The following AZIN1 variants were observed in gnomAD, a reference collection of about 807,000 sequenced individuals.
The protein encoded by AZIN1 is antizyme inhibitor 1.
A neutral mutation model predicts 47.4 loss-of-function variants in AZIN1; 12 were observed. The observed-to-expected ratio is 0.25, with a 90% CI of 0.16 to 0.41. The LOEUF is 0.41. Ranked by LOEUF, AZIN1 falls within the 10% of genes least tolerant of loss-of-function variation. AZIN1 has a pLI of 1.00. For missense variants in AZIN1, 410 were observed against 532.4 expected (o/e 0.77, Z 2.26); for synonymous variants, 155 against 176.3 (o/e 0.88, Z 0.96).
intron 2 of AZIN1, among the ~76,000 whole-genome samples, chr8:102,849,620 A>G (rs1812801764): frequency 6.6e-6 from 1 of 152,212 alleles, no homozygotes; most frequent in Non-Finnish European, 1.5e-5. Context: ...TAGTATTATC[A>G]ATAGACACTA....
chr8:102,834,497 G>A lies in AZIN1; in HGVS notation c.666+169C>T, dbSNP rs2304350. On this transcript the variant is annotated intron_variant, in intron 7 of 11. Coordinates refer to ENST00000337198, the MANE Select transcript of AZIN1 (RefSeq NM_148174.4). ...AAATTACTATTTCACTCCTTTACCT[G>A]CTTAAAAGGTGTGACTGTACAGAGC... Among the ~76,000 whole-genome samples the A allele has an allele frequency of 0.086, 13,082 of 152,110 alleles. 1,499 individuals are homozygous for A. Among genetic ancestry groups the A allele is most frequent in the African/African-American group, 0.25 (10,457 of 41,436 alleles).
At chr8:102,862,947 A>G (rs1813800706) in intron 1 of AZIN1, among the ~76,000 whole-genome samples, 1 of 152,244 alleles carries the variant, frequency 6.6e-6, no homozygotes, top group Non-Finnish European at 1.5e-5. Flanking sequence ...ACAGTAGTTG[A>G]TAAGCCACCC....
At chr8:102,841,985 C>T (rs887361890) in intron 3 of AZIN1, among the ~76,000 whole-genome samples, 9 of 152,140 alleles carry the variant, frequency 5.9e-5, no homozygotes, top group Admixed American at 4.6e-4. Flanking sequence ...GTGCTGGGCG[C>T]CTGTAATCCC....
intron 8 of AZIN1, 64 bp downstream of exon 8, chr8:102,834,125 C>T: frequency 2.3e-6 from 3 of 1,328,006 alleles, no homozygotes; most frequent in Admixed American, 1.7e-5. Context: ...CTGCTCTACA[C>T]ATCCACCACT....
intron 1 of AZIN1, among the ~76,000 whole-genome samples, 181 bp downstream of exon 1, chr8:102,863,626 C>CCCGCCGCCGCCG (rs371296627): frequency 6.8e-6 from 1 of 147,778 alleles, no homozygotes; most frequent in Non-Finnish European, 1.5e-5. Flanking sequence ...GCCGCCCAGC[C>CCCGCCGCCGCCG]CCGCCGCCGC....
intron 2 of AZIN1, among the ~76,000 whole-genome samples, chr8:102,854,132 T>C (rs889775099): frequency 6.6e-6 from 1 of 151,632 alleles, no homozygotes; most frequent in Non-Finnish European, 1.5e-5. Flanking sequence ...AGAGACAAGG[T>C]TTCACCATAT....
chr8:102,838,803 G>A lies in AZIN1; in HGVS notation c.390C>T (p.Ile130=), dbSNP rs1811987452. The A allele has an allele frequency of 1.9e-6, 3 of 1,613,602 alleles. No homozygotes were observed. The highest frequency in any genetic ancestry group is 1.3e-5 in the African/African-American group (1 of 74,894). The change falls in exon 5 of 12, where the codon ATC becomes ATT. Residue 130 remains isoleucine (I), a synonymous_variant. Transcript: ENST00000337198. The stretch of plus-strand genomic sequence containing the variant: ...ATTCAATTTCATTGTCACATGTCAG[G>A]ATATTCACTCCAACTTTTGCTGCAT... ...IKYAAKVGVN[I]LTCDNEIELK...
chr8:102,835,019 A>G (rs79031142), intron 6 of AZIN1: 16,971 of 307,814 alleles, frequency 0.055, 652 homozygotes, highest in Middle Eastern at 0.075. Flanking sequence ...CGGTTATACA[A>G]TAAGGTGTGC....
Position 102,827,748 on chromosome 8 carries a change from A to G in AZIN1, c.*819T>C, listed in dbSNP as rs1202378813. 6.6e-6 allele frequency: 1 copy of G among 152,650 alleles called. No homozygotes were observed. The highest frequency in any genetic ancestry group is 1.5e-5 in the Non-Finnish European group (1 of 68,020). The allele number at this position is 152,650 out of a possible 1,614,324, so 9.5% of individuals were successfully genotyped here. On this transcript the variant is annotated 3_prime_UTR_variant, in exon 12 of 12. Transcript: ENST00000337198. The stretch of plus-strand genomic sequence containing the variant: ...ATTACAGTTGATTTATGCAGGATTA[A>G]CATTTTTGGTGTTAAAATTGTTAAA...
chr8:102,829,485 T>A lies in AZIN1; in HGVS notation c.1022A>T (p.Lys341Ile), dbSNP rs758635413. 3 of 1,595,622 alleles carry A rather than the reference T, an allele frequency of 1.9e-6. No homozygotes were observed. In the South Asian group the frequency reaches 3.4e-5, roughly 18 times the overall value. Reference protein sequence around the residue: ...DLNTIPEVHKKYKEDEPLFTS... With the variant: ...DLNTIPEVHKIYKEDEPLFTS... ...AAACAGAGGCTCATCTTCCTTGTAT[T>A]TCTGTAGGAAAAGTTTTACAATTTA... Residue 341 changes from lysine to isoleucine, a missense_variant and splice_region_variant, in exon 11 of 12, where the codon AAA (lysine) becomes ATA (isoleucine). Coordinates refer to ENST00000337198, the MANE Select transcript of AZIN1 (RefSeq NM_148174.4).
intron 2 of AZIN1, among the ~76,000 whole-genome samples, chr8:102,849,742 T>C (rs1250953360): frequency 6.6e-6 from 1 of 151,822 alleles, no homozygotes; most frequent in Non-Finnish European, 1.5e-5. Context: ...ATAACCACAA[T>C]ACTACTTTTA....
chr8:102,832,339 T>C (rs1811513845), intron 9 of AZIN1, among the ~76,000 whole-genome samples: 1 of 152,116 alleles, frequency 6.6e-6, no homozygotes, highest in Admixed American at 6.5e-5. Context: ...GTCTTCTTAA[T>C]GTAAAACAGT....
intron 1 of AZIN1, among the ~76,000 whole-genome samples, chr8:102,863,413 G>A (rs1285572186): frequency 1.3e-5 from 2 of 151,832 alleles, no homozygotes; most frequent in African/African-American, 2.4e-5. Context: ...GCCCCTCAGG[G>A]CTGCGGCCGG....
Position 102,826,398 on chromosome 8 carries a change from C to T in AZIN1, c.*2169G>A, listed in dbSNP as rs1811114379. On this transcript the variant is annotated 3_prime_UTR_variant, in exon 12 of 12. Coordinates refer to ENST00000337198, the MANE Select transcript of AZIN1 (RefSeq NM_148174.4). ...TTATCTATGTATTCAGAATCACACACAAGTTACCTTTACAGTTCAATTTAC... is the reference window on the plus strand; with the variant it reads ...TTATCTATGTATTCAGAATCACACATAAGTTACCTTTACAGTTCAATTTAC... 1 of 152,602 alleles carries T rather than the reference C, an allele frequency of 6.6e-6. No homozygotes were observed. Among genetic ancestry groups the T allele is most frequent in the Admixed American group, 6.5e-5 (1 of 15,276 alleles). The allele number at this position is 152,602 out of a possible 1,614,324, so 9.5% of individuals were successfully genotyped here.
Position 102,826,785 on chromosome 8 carries a change from T to C in AZIN1, c.*1782A>G, listed in dbSNP as rs1157787099. ...TTCTGGACCACAACAATGCACAACA[T>C]GTAAAGAAGGTAGGAAACAGTTCCC... On this transcript the variant is annotated 3_prime_UTR_variant, in exon 12 of 12. Transcript: ENST00000337198. 1 of 152,560 alleles carries C rather than the reference T, an allele frequency of 6.6e-6. No homozygotes were observed. The highest frequency in any genetic ancestry group is 1.5e-5 in the Non-Finnish European group (1 of 68,012). 9.5% of individuals were successfully genotyped at this position (152,560 alleles called of 1,614,324 possible).
intron 2 of AZIN1, among the ~76,000 whole-genome samples, chr8:102,845,184 G>A (rs1812497138): frequency 6.6e-6 from 1 of 151,202 alleles, no homozygotes; most frequent in African/African-American, 2.4e-5. Context: ...ACCCTTGGGT[G>A]ATGGCCACTG....
chr8:102,828,507 G>T lies in AZIN1; in HGVS notation c.*60C>A. On this transcript the variant is annotated 3_prime_UTR_variant, in exon 12 of 12. Transcript: ENST00000337198. Reference sequence around the variant, plus strand: ...TTGTTTAAATTATTTTTCCACACTGGAATGTTGACCAGACAAGCTTAACCT... The same window carrying T: ...TTGTTTAAATTATTTTTCCACACTGTAATGTTGACCAGACAAGCTTAACCT... The T allele has an allele frequency of 9.0e-7, 1 of 1,108,548 alleles. No individual in the cohort carries two copies. The highest frequency in any genetic ancestry group is 1.5e-5 in the South Asian group (1 of 67,270). 68.7% of individuals were successfully genotyped at this position (1,108,548 alleles called of 1,614,324 possible).
intron 2 of AZIN1, among the ~76,000 whole-genome samples, chr8:102,845,924 A>C (rs1812541354): frequency 6.6e-6 from 1 of 152,142 alleles, no homozygotes; most frequent in South Asian, 2.1e-4. Flanking sequence ...TTAACATTAT[A>C]ATGAAATGTT....
chr8:102,832,709 T>C (rs1056480155), intron 9 of AZIN1, among the ~76,000 whole-genome samples: 2 of 152,014 alleles, frequency 1.3e-5, no homozygotes, highest in African/African-American at 4.8e-5. Context: ...GGCACAATCT[T>C]GGCTCACTGC....
Sources: gnomAD v4.1 joint callset for allele counts (sites outside exome capture counted in the v4.1 genomes callset) on GRCh38, gnomAD v4.1.1 for gene constraint, MANE v1.5 for transcripts, NCBI Gene and HGNC (gene_info 2026-07-23, HGNC 2026-07-21) for gene names.